Variants in CBX5 observed in about 807,000 individuals in gnomAD.
The protein encoded by CBX5 is chromobox 5.
CBX5 carries 7 observed loss-of-function variants against 20.7 expected under a neutral mutation model. That is an observed-to-expected ratio of 0.34 (90% CI 0.19 to 0.63). The LOEUF (loss-of-function observed/expected upper bound fraction) is 0.63, where lower values mean the gene tolerates loss of function less well. CBX5 is among the 30% of genes least tolerant of loss of function. The pLI is 0.75. For synonymous variants in CBX5, 78 were observed against 77.0 expected (o/e 1.01, Z -0.07); for missense variants, 110 against 224.1 (o/e 0.49, Z 3.25).
At chr12:54,263,202 A>T (rs1412407746) in intron 1 of CBX5, among the ~76,000 whole-genome samples, 1 of 150,200 alleles carries the variant, frequency 6.7e-6, no homozygotes, top group Non-Finnish European at 1.5e-5. Flanking sequence ...CTCTACTAAA[A>T]ATACAAAAAT....
intron 2 of CBX5, among the ~76,000 whole-genome samples, chr12:54,252,947 T>A (rs1051763229): frequency 2.2e-5 from 3 of 133,520 alleles, no homozygotes; most frequent in Non-Finnish European, 4.6e-5. Context: ...ATTGTGCCAC[T>A]CCTGCCTGGG....
At chr12:54,265,646 G>A (rs903775375) in intron 1 of CBX5, among the ~76,000 whole-genome samples, 6 of 152,176 alleles carry the variant, frequency 3.9e-5, no homozygotes, top group Non-Finnish European at 5.9e-5. Context: ...TATCATTAAC[G>A]AGCCACATAT....
chr12:54,270,840 C>G (rs928934632), intron 1 of CBX5, among the ~76,000 whole-genome samples: 3 of 152,056 alleles, frequency 2.0e-5, no homozygotes, highest in African/African-American at 7.2e-5. Context: ...TCACTTGAGC[C>G]CAGGGGTCTG....
At chr12:54,259,119 G>C (rs1943890432) in intron 1 of CBX5, among the ~76,000 whole-genome samples, 1 of 151,932 alleles carries the variant, frequency 6.6e-6, no homozygotes, top group African/African-American at 2.4e-5. Context: ...GGTGCGGGGG[G>C]GTTAAAATAA....
At chr12:54,253,452 G>A (rs1592158175) in intron 2 of CBX5, among the ~76,000 whole-genome samples, 1 of 151,880 alleles carries the variant, frequency 6.6e-6, no homozygotes, top group Non-Finnish European at 1.5e-5. Context: ...TGGGCTGGGC[G>A]CAGTGACTCA....
intron 1 of CBX5, chr12:54,258,569 G>C (rs1943885300): frequency 6.6e-6 from 1 of 152,184 alleles, no homozygotes; most frequent in Non-Finnish European, 1.5e-5. Context: ...ACCATTCATA[G>C]GCCCAAGGAA....
At chr12:54,246,084 C>A (rs752050808) in intron 4 of CBX5, 31 bp downstream of exon 4, 5 of 1,460,876 alleles carry the variant, frequency 3.4e-6, no homozygotes, top group Non-Finnish European at 4.8e-6. Flanking sequence ...CAAAGAAACA[C>A]AATTGTAAAG....
intron 1 of CBX5, among the ~76,000 whole-genome samples, chr12:54,264,456 TTCTTA>T (rs1191826170): frequency 6.6e-6 from 1 of 152,212 alleles, no homozygotes; most frequent in Non-Finnish European, 1.5e-5. Context: ...CTGGTGGCTT[TTCTTA>T]TCTTGTTATA....
At chr12:54,271,928 GT>G (rs1944014370) in intron 1 of CBX5, 2 of 152,304 alleles carry the variant, frequency 1.3e-5, no homozygotes, top group South Asian at 4.1e-4. Flanking sequence ...GGTTTGCTAT[GT>G]TTTATCAGAT....
chr12:54,249,377 A>G (rs1325948059), intron 3 of CBX5, among the ~76,000 whole-genome samples: 1 of 148,704 alleles, frequency 6.7e-6, no homozygotes, highest in African/African-American at 2.5e-5. Flanking sequence ...AAAAAAAAGA[A>G]AAAAAAAAAA....
chr12:54,233,951 G>A lies in CBX5; in HGVS notation c.*7804C>T, dbSNP rs1943593959. On this transcript the variant is annotated 3_prime_UTR_variant, in exon 5 of 5. Transcript: ENST00000209875. ...CAATCCCAGCACTTTGAGTGGCCGA[G>A]GCAGGCGGATCACAAGGTCAGGAGT... is the stretch of plus-strand genomic sequence containing the variant. The A allele has an allele frequency of 6.6e-6, 1 of 152,038 alleles. No homozygotes were observed. Among genetic ancestry groups the A allele is most frequent in the South Asian group, 2.1e-4 (1 of 4,826 alleles). 9.4% of individuals were successfully genotyped at this position (152,038 alleles called of 1,614,324 possible). A position where few individuals can be genotyped will look rare whatever the true frequency, so the allele number is the denominator to read the frequency against.
intron 3 of CBX5, among the ~76,000 whole-genome samples, chr12:54,248,530 G>T (rs756343918): frequency 6.6e-6 from 1 of 152,128 alleles, no homozygotes; most frequent in Non-Finnish European, 1.5e-5. Context: ...CATTCCACGC[G>T]TGGATCAATG....
chr12:54,265,711 C>T (rs1287768042), intron 1 of CBX5, among the ~76,000 whole-genome samples: 3 of 152,158 alleles, frequency 2.0e-5, no homozygotes, highest in Non-Finnish European at 4.4e-5. Flanking sequence ...AATGTTCTCC[C>T]ATTGGCTAGC....
At chr12:54,263,019 T>C (rs1302977483) in intron 1 of CBX5, 1 of 152,242 alleles carries the variant, frequency 6.6e-6, no homozygotes. Context: ...AGGAACTATC[T>C]GGTAAAGCTA....
At chr12:54,254,734 T>C (rs1003058273) in intron 2 of CBX5, among the ~76,000 whole-genome samples, 4 of 151,912 alleles carry the variant, frequency 2.6e-5, no homozygotes. Flanking sequence ...GCGCCTGTAA[T>C]CCCATCTACT....
chr12:54,249,260 C>A (rs1216550282), intron 3 of CBX5, among the ~76,000 whole-genome samples: 1 of 151,786 alleles, frequency 6.6e-6, no homozygotes, highest in Non-Finnish European at 1.5e-5. Flanking sequence ...GTCCCAGCTA[C>A]TAGGGAGGGT....
At chr12:54,244,512 C>A (rs565679652) in intron 4 of CBX5, among the ~76,000 whole-genome samples, 2 of 151,736 alleles carry the variant, frequency 1.3e-5, no homozygotes, top group East Asian at 2.0e-4. Context: ...CCAAGGCAGG[C>A]AGATTGCTTG....
chr12:54,257,399 G>T, intron 2 of CBX5, 115 bp downstream of exon 2: 1 of 1,000,482 alleles, frequency 1.0e-6, no homozygotes, highest in Non-Finnish European at 1.5e-6. Context: ...CTAACTCTTA[G>T]GAAGAGTGCA....
At chr12:54,279,487 C>CCCTTCCTCACAACCCCAAATCGAAGGT (rs1944107442) in intron 1 of CBX5, among the ~76,000 whole-genome samples, 1 of 152,064 alleles carries the variant, frequency 6.6e-6, no homozygotes. Context: ...TTACAGGCAC[C>CCCTTCCTCACAACCCCAAATCGAAGGT]GACTCCCCTT....
Sources: allele counts gnomAD v4.1 joint callset (sites outside exome capture counted in the v4.1 genomes callset), GRCh38; gene constraint gnomAD v4.1.1; transcripts MANE v1.5; gene names NCBI Gene and HGNC (gene_info 2026-07-23, HGNC 2026-07-21).